Variants in PCDH7 observed in about 807,000 individuals in gnomAD.
PCDH7 encodes the protein protocadherin 7.
PCDH7 carries 17 observed loss-of-function variants against 58.9 expected under a neutral mutation model. That is an observed-to-expected ratio of 0.29 (90% CI 0.20 to 0.43). PCDH7 has a LOEUF of 0.43. Among genes scored for constraint, PCDH7 ranks in the 20% least tolerant of loss-of-function variants. PCDH7 has a pLI of 1.00. For synonymous variants in PCDH7, 664 were observed against 616.4 expected, an observed-to-expected ratio of 1.08 and a Z score of -1.14; for missense variants, 1,274 against 1,441.0, an observed-to-expected ratio of 0.88 and a Z score of 1.88.
intron 3 of PCDH7, among the ~76,000 whole-genome samples, chr4:30,966,149 T>C (rs933375675): frequency 6.6e-6 from 1 of 152,136 alleles, no homozygotes; most frequent in Admixed American, 6.5e-5. Flanking sequence ...TGCTGCTGGT[T>C]AGATGTCAGA....
intron 3 of PCDH7, among the ~76,000 whole-genome samples, chr4:30,984,767 C>A (rs1288302647): frequency 6.6e-6 from 1 of 151,990 alleles, no homozygotes; most frequent in Non-Finnish European, 1.5e-5. Context: ...AAGGTAATTC[C>A]AGTAGAATGT....
rs1450208779 is a variant in PCDH7, at chr4:30,721,101, G to C, written c.-322G>C. On this transcript the variant is annotated 5_prime_UTR_variant, in exon 1 of 2. Transcript: ENST00000361762. This position sits in a 1 kb window ranked among gnomAD's most constrained non-coding sequence, Gnocchi z 6.7. ...TGGGTTGGGGGAGCGCCGAACCCGC[G>C]GCGCGCAGTGTCCCGTGAACTGTGA... is the stretch of plus-strand genomic sequence containing the variant. 6.3e-6 allele frequency: 2 copies of C among 316,996 alleles called. No homozygotes were observed. The highest frequency in any genetic ancestry group is 5.7e-6 in the Non-Finnish European group (1 of 174,032). The allele number at this position is 316,996 out of a possible 1,614,324, so 19.6% of individuals were successfully genotyped here.
intron 1 of PCDH7, among the ~76,000 whole-genome samples, chr4:30,814,534 C>G (rs1412300573): frequency 2.0e-5 from 3 of 151,560 alleles, no homozygotes; most frequent in African/African-American, 7.3e-5. Context: ...ATATTTTTAC[C>G]TTTTTCTGGC....
chr4:31,054,209 A>C (rs1282876713), intron 3 of PCDH7, among the ~76,000 whole-genome samples: 1 of 152,082 alleles, frequency 6.6e-6, no homozygotes, highest in Non-Finnish European at 1.5e-5. Context: ...CAAGCAATCC[A>C]CCTGCCTCAG....
chr4:31,103,445 G>C lies in PCDH7; in HGVS notation c.*8-39028G>C, dbSNP rs74467664. Among the ~76,000 whole-genome samples, 1,501 of 151,718 alleles carry C rather than the reference G, an allele frequency of 9.9e-3. 39 individuals are homozygous for C. Among genetic ancestry groups the C allele is most frequent in the Admixed American group, 0.054 (829 of 15,216 alleles). On this transcript the variant is annotated intron_variant, in intron 3 of 3. Coordinates refer to the PCDH7 transcript ENST00000509759. Reference sequence around the variant, plus strand: ...ACCTCCACCTCCCAGTTCAATTCTCGTGCCTCAGCCTCCCAAGTAGCTGGG... The same window carrying C: ...ACCTCCACCTCCCAGTTCAATTCTCCTGCCTCAGCCTCCCAAGTAGCTGGG...
At chr4:30,991,300 A>C (rs1751444723) in intron 3 of PCDH7, among the ~76,000 whole-genome samples, 1 of 152,120 alleles carries the variant, frequency 6.6e-6, no homozygotes, top group Non-Finnish European at 1.5e-5. Context: ...TTTTTACCTA[A>C]ATGGACAACA....
intron 3 of PCDH7, among the ~76,000 whole-genome samples, chr4:31,025,246 C>G (rs1393420516): frequency 6.6e-6 from 1 of 152,122 alleles, no homozygotes; most frequent in Non-Finnish European, 1.5e-5. Flanking sequence ...GAAATTGTCT[C>G]ACGTATAGGA....
chr4:30,728,509 A>C (rs1244101332), intron 1 of PCDH7, among the ~76,000 whole-genome samples: 1 of 151,804 alleles, frequency 6.6e-6, no homozygotes, highest in African/African-American at 2.4e-5. Context: ...TACCATAGGC[A>C]AAACACTAAT....
At chr4:31,064,632 G>A (rs1043648147) in intron 3 of PCDH7, among the ~76,000 whole-genome samples, 3 of 151,820 alleles carry the variant, frequency 2.0e-5, no homozygotes, top group Non-Finnish European at 4.4e-5. Context: ...AAGCTATATC[G>A]CTCCAATCTC....
At chr4:31,118,395 CA>C (rs1417874751) in intron 3 of PCDH7, among the ~76,000 whole-genome samples, 4 of 152,128 alleles carry the variant, frequency 2.6e-5, no homozygotes, top group African/African-American at 9.7e-5. Context: ...TCCCAACTAA[CA>C]TTTTTTTTAA....
At chr4:30,966,232 G>C (rs151309577) in intron 3 of PCDH7, among the ~76,000 whole-genome samples, 1 of 152,132 alleles carries the variant, frequency 6.6e-6, no homozygotes, top group African/African-American at 2.4e-5. Context: ...AAGCAAGAAC[G>C]ACACTGTCAG....
intron 1 of PCDH7, among the ~76,000 whole-genome samples, chr4:30,809,728 A>G (rs1726732299): frequency 1.3e-5 from 2 of 152,116 alleles, no homozygotes; most frequent in Admixed American, 1.3e-4. Flanking sequence ...CTACTGCTGC[A>G]TGGGTATTCT....
intron 1 of PCDH7, among the ~76,000 whole-genome samples, chr4:30,909,904 C>T (rs1235308186): frequency 4.6e-5 from 7 of 152,172 alleles, no homozygotes; most frequent in African/African-American, 1.4e-4. Flanking sequence ...ATGGAGGCAT[C>T]ACGCTACTTG....
chr4:30,834,036 G>A (rs1014931513), intron 1 of PCDH7, among the ~76,000 whole-genome samples: 5 of 152,150 alleles, frequency 3.3e-5, no homozygotes, highest in African/African-American at 1.2e-4. Context: ...CTTTAAAAAT[G>A]TGCCATTTTC....
At chr4:30,725,280 C>A (rs1047630535) in intron 1 of PCDH7, 25 of 994,112 alleles carry the variant, frequency 2.5e-5, no homozygotes, top group Non-Finnish European at 2.9e-5. Flanking sequence ...CATTTGCATT[C>A]TTTCTGTTTG....
intron 3 of PCDH7, among the ~76,000 whole-genome samples, chr4:31,140,936 G>C (rs1040796519): frequency 6.6e-6 from 1 of 152,252 alleles, no homozygotes; most frequent in African/African-American, 2.4e-5. Flanking sequence ...CTAGATTTCC[G>C]GTGTAGAACA....
At chr4:30,747,644 C>T (rs1296509985) in intron 1 of PCDH7, among the ~76,000 whole-genome samples, 1 of 152,244 alleles carries the variant, frequency 6.6e-6, no homozygotes, top group African/African-American at 2.4e-5. Context: ...ACTGTGGTTA[C>T]ATTGGGTCCA....
chr4:30,847,075 A>T (rs1732062329), intron 1 of PCDH7, among the ~76,000 whole-genome samples: 1 of 152,212 alleles, frequency 6.6e-6, no homozygotes, highest in South Asian at 2.1e-4. Context: ...GTGAGCTATG[A>T]TCATACCACT....
intron 1 of PCDH7, among the ~76,000 whole-genome samples, chr4:30,890,456 A>T (rs1024654815): frequency 6.6e-6 from 1 of 151,784 alleles, no homozygotes; most frequent in Non-Finnish European, 1.5e-5. Flanking sequence ...AAAAGATGGA[A>T]TTGCACTAGA....
Sources: allele counts gnomAD v4.1 joint callset (sites outside exome capture counted in the v4.1 genomes callset), GRCh38; gene constraint gnomAD v4.1.1; non-coding constraint Gnocchi (gnomAD v3.1); transcripts MANE v1.5; gene names NCBI Gene and HGNC (gene_info 2026-07-23, HGNC 2026-07-21).